BICD2: variants seen among roughly 807,000 people sequenced by gnomAD.
BICD2 encodes protein bicaudal D homolog 2.
BICD2 carries 25 observed loss-of-function variants against 72.9 expected under a neutral mutation model. The observed-to-expected ratio is 0.34, with a 90% confidence interval of 0.25 to 0.48. The LOEUF is 0.48. Among genes scored for constraint, BICD2 ranks in the 20% least tolerant of loss-of-function variants. The probability of loss-of-function intolerance (pLI) is 0.99; values close to 1 mark genes in which losing one functional copy is unlikely to be tolerated. For synonymous variants in BICD2, 501 were observed against 516.1 expected, an observed-to-expected ratio of 0.97 and a Z score of 0.40; for missense variants, 894 against 1,175.2, an observed-to-expected ratio of 0.76 and a Z score of 3.50.
rs751407955 is a variant in BICD2 at position 92,719,487 on chromosome 9, C to T, written c.1158G>A (p.Lys386=). 1 of 1,614,030 alleles carries T rather than the reference C, an allele frequency of 6.2e-7. No individual in the cohort carries two copies. ...TCAGATTCTCTGTGAGGCGGGTCAC[C>T]TTCTCCTGCTGTTCTGACAGGGAGC... ...TRGSLSEQQE[K]VTRLTENLSA... is the part of the protein sequence containing the mutation. Residue 386 remains lysine (K), a synonymous_variant, in exon 5 of 7, where the codon AAG becomes AAA. Transcript: ENST00000356884.
rs556051421 is a variant in BICD2, at chr9:92,764,485, G to T, written c.240+20C>A. 189 of 1,495,454 alleles carry T rather than the reference G, an allele frequency of 1.3e-4. No individual in the cohort carries two copies. The African/African-American group carries it at 2.6e-3, about 21-fold the overall frequency. 92.6% of individuals were successfully genotyped at this position (1,495,454 alleles called of 1,614,324 possible). ...CCCCGGCGCCGGGCGGGGGTCGCAG[G>T]GCAGGGCGGCTCGGCTCACCTCCTT... is the stretch of plus-strand genomic sequence containing the variant. On this transcript the variant is annotated intron_variant, in intron 1 of 6. Coordinates refer to ENST00000356884, the MANE Select transcript of BICD2 (RefSeq NM_001003800.2). This position sits in a 1 kb window ranked among gnomAD's most constrained non-coding sequence, Gnocchi z 5.5.
At chr9:92,726,577 T>C (rs1344954380) in intron 2 of BICD2, among the ~76,000 whole-genome samples, 2 of 151,882 alleles carry the variant, frequency 1.3e-5, no homozygotes, top group Non-Finnish European at 2.9e-5. Flanking sequence ...GGACTGGTGG[T>C]GGTGAGACAA....
At chr9:92,721,388 A>T (rs1467298855) in intron 3 of BICD2, among the ~76,000 whole-genome samples, 1 of 152,244 alleles carries the variant, frequency 6.6e-6, no homozygotes, top group Non-Finnish European at 1.5e-5. Context: ...GGTAGGTGGG[A>T]AAAGCAACAT....
intron 2 of BICD2, among the ~76,000 whole-genome samples, chr9:92,726,387 G>A (rs1853568322): frequency 1.3e-5 from 2 of 152,188 alleles, no homozygotes; most frequent in Non-Finnish European, 2.9e-5. Flanking sequence ...GCAGGGTGGT[G>A]GGTCAAAGGA....
chr9:92,715,071 T>G lies in BICD2; in HGVS notation c.*83A>C. 2.0e-6 allele frequency: 3 copies of G among 1,498,142 alleles called. No homozygotes were observed. The highest frequency in any genetic ancestry group is 2.7e-6 in the Non-Finnish European group (3 of 1,122,406). 92.8% of individuals were successfully genotyped at this position (1,498,142 alleles called of 1,614,324 possible). On this transcript the variant is annotated 3_prime_UTR_variant, in exon 7 of 7. Coordinates refer to ENST00000356884, the MANE Select transcript of BICD2 (RefSeq NM_001003800.2). ...CTCTGTGCATTAGTCACGTTAAGATTGACCTAGCACCGCCGTCCCGCTGCT... is the reference window on the plus strand; with the variant it reads ...CTCTGTGCATTAGTCACGTTAAGATGGACCTAGCACCGCCGTCCCGCTGCT...
intron 1 of BICD2, among the ~76,000 whole-genome samples, chr9:92,751,321 T>C (rs762912735): frequency 2.6e-5 from 4 of 152,098 alleles, no homozygotes; most frequent in Non-Finnish European, 5.9e-5. Flanking sequence ...CGGCTAATTT[T>C]TGCATTTTTA....
intron 1 of BICD2, among the ~76,000 whole-genome samples, chr9:92,739,925 G>C (rs566329201): frequency 6.6e-6 from 1 of 152,320 alleles, no homozygotes; most frequent in Non-Finnish European, 1.5e-5. Flanking sequence ...CTCCGCAGGA[G>C]ACCAAGTGGC....
At chr9:92,722,443 T>C (rs1311643413) in intron 3 of BICD2, among the ~76,000 whole-genome samples, 3 of 152,188 alleles carry the variant, frequency 2.0e-5, no homozygotes, top group Non-Finnish European at 4.4e-5. Context: ...GCCTGGCCAA[T>C]GTCAGCAAAC....
intron 6 of BICD2, 131 bp from the exon 7 acceptor site, chr9:92,715,594 T>C (rs1853293462): frequency 1.1e-6 from 1 of 877,838 alleles, no homozygotes; most frequent in Non-Finnish European, 1.7e-6. Flanking sequence ...GCCTCTGGAC[T>C]GGAGGGTGTG....
rs1279502533 is a variant in BICD2 at position 92,718,654 on chromosome 9, G to A, written c.1991C>T (p.Ala664Val). ...QRIASQELGP[A>V]VDKDKEALME... Reference sequence around the variant, plus strand: ...AAGCGCTTCCTTGTCCTTGTCCACGGCGGGGCCCAGCTCCTGAGAGGCAAT... The same window carrying A: ...AAGCGCTTCCTTGTCCTTGTCCACGACGGGGCCCAGCTCCTGAGAGGCAAT... The change falls in exon 5 of 7, where the codon GCC (alanine) becomes GTC (valine). Residue 664 changes from alanine (A) to valine (V), a missense_variant. Physicochemically the swap from Ala to Val is moderately conservative, Grantham distance 64. This residue lies in a region of BICD2 where 321 missense variants were observed against 443.9 expected (regional missense o/e 0.72). Coordinates refer to ENST00000356884, the MANE Select transcript of BICD2 (RefSeq NM_001003800.2). 1.9e-6 allele frequency: 3 copies of A among 1,613,874 alleles called. No individual in the cohort carries two copies. The highest frequency in any genetic ancestry group is 4.5e-5 in the East Asian group (2 of 44,876).
At position 92,758,204 on chromosome 9, in the gene BICD2, A is replaced by AAATAATAATAAT. The variant is rs147701766; in HGVS notation, c.240+6289_240+6300dup. 9.0e-5 allele frequency among the ~76,000 whole-genome samples: 13 copies of AAATAATAATAAT among 144,482 alleles called. No homozygotes were observed. The South Asian group carries it at 2.6e-3, about 29-fold the overall frequency. 94.8% of individuals were successfully genotyped at this position (144,482 alleles called of 152,430 possible). ...GGGCAACAGAGCTAGACTCTGTCTC[A>AAATAATAATAAT]AATAATAATAATAATAATAATAATA... On this transcript the variant is annotated intron_variant, in intron 1 of 6. Transcript: ENST00000356884.
intron 1 of BICD2, 92 bp from the exon 2 acceptor site, chr9:92,729,328 A>G: frequency 4.6e-6 from 6 of 1,299,822 alleles, no homozygotes; most frequent in Non-Finnish European, 6.5e-6. Flanking sequence ...ATGCTGCAGA[A>G]CAACAGCAAC....
intron 2 of BICD2, among the ~76,000 whole-genome samples, chr9:92,727,205 C>A (rs544087723): frequency 6.6e-6 from 1 of 152,306 alleles, no homozygotes; most frequent in Non-Finnish European, 1.5e-5. Context: ...CCGCTGCTGA[C>A]CCCGAGGGCA....
Position 92,713,463 on chromosome 9 carries a change from T to A in BICD2, c.*1691A>T. On this transcript the variant is annotated 3_prime_UTR_variant, in exon 7 of 7. Coordinates refer to ENST00000356884, the MANE Select transcript of BICD2 (RefSeq NM_001003800.2). ...GTCCTCCTGGCAGCTACTCTACAGCTGAAAACGGGAGAAAAGAGAGCGTTA... is the reference window on the plus strand; with the variant it reads ...GTCCTCCTGGCAGCTACTCTACAGCAGAAAACGGGAGAAAAGAGAGCGTTA... The A allele has an allele frequency of 6.3e-7, 1 of 1,590,808 alleles. No individual in the cohort carries two copies.
At position 92,715,109 on chromosome 9, in the gene BICD2, G is replaced by A; in HGVS notation, c.*45C>T. The A allele has an allele frequency of 2.0e-6, 3 of 1,532,128 alleles. No homozygotes were observed. The highest frequency in any genetic ancestry group is 1.8e-6 in the Non-Finnish European group (2 of 1,136,170). The allele number at this position is 1,532,128 out of a possible 1,614,324, so 94.9% of individuals were successfully genotyped here. ...CCGTCCCGCTGCTGCTGGGTTAGTT[G>A]AGGTGAAGCAGATGTTAGCTGCAGC... is the stretch of plus-strand genomic sequence containing the variant. On this transcript the variant is annotated 3_prime_UTR_variant, in exon 7 of 7. Transcript: ENST00000356884.
At position 92,721,503 on chromosome 9, in the gene BICD2, A is replaced by T. The variant is rs148852961; in HGVS notation, c.607-748T>A. Among the ~76,000 whole-genome samples the T allele has an allele frequency of 2.0e-5, 3 of 152,372 alleles. No individual in the cohort carries two copies. The East Asian group carries it at 5.8e-4, about 29-fold the overall frequency. ...CTCAGAATTTGTGGGCAATTGCTAA[A>T]ACTATTTCTTATTTTTCTGTAATAT... On this transcript the variant is annotated intron_variant, in intron 3 of 6. Coordinates refer to ENST00000356884, the MANE Select transcript of BICD2 (RefSeq NM_001003800.2).
chr9:92,736,793 G>A (rs1045013542), intron 1 of BICD2, among the ~76,000 whole-genome samples: 6 of 152,082 alleles, frequency 3.9e-5, no homozygotes, highest in South Asian at 4.1e-4. Context: ...CTCCATGACC[G>A]GAGCCCTGAA....
chr9:92,734,083 T>C (rs1256609822), intron 1 of BICD2, among the ~76,000 whole-genome samples: 3 of 152,238 alleles, frequency 2.0e-5, no homozygotes, highest in Non-Finnish European at 4.4e-5. Flanking sequence ...AATAAACTAC[T>C]GCTATACAGA....
At chr9:92,737,327 G>A (rs1315103464) in intron 1 of BICD2, among the ~76,000 whole-genome samples, 1 of 152,146 alleles carries the variant, frequency 6.6e-6, no homozygotes, top group Non-Finnish European at 1.5e-5. Context: ...TTAAAATACA[G>A]GTTCAGGGAG....
Sources: allele counts gnomAD v4.1 joint callset (sites outside exome capture counted in the v4.1 genomes callset), GRCh38; gene constraint gnomAD v4.1.1; regional missense constraint gnomAD v4.1.1; non-coding constraint Gnocchi (gnomAD v3.1); transcripts MANE v1.5; gene names NCBI Gene and HGNC (gene_info 2026-07-23, HGNC 2026-07-21).